The following UBE2T variants were observed in gnomAD, a reference collection of about 807,000 sequenced individuals.
UBE2T encodes ubiquitin conjugating enzyme E2 T, also known as ubiquitin-conjugating enzyme E2 T.
A neutral mutation model predicts 23.3 loss-of-function variants in UBE2T; 15 were observed. The observed-to-expected ratio is 0.64, with a 90% CI of 0.43 to 0.99. The LOEUF (loss-of-function observed/expected upper bound fraction) is 0.99. Ranked by LOEUF, UBE2T falls within the 50% of genes least tolerant of loss-of-function variation. UBE2T has a pLI of 0.00. For synonymous variants in UBE2T, 67 were observed against 78.4 expected, an observed-to-expected ratio of 0.85 and a Z score of 0.77; for missense variants, 197 against 234.9, an observed-to-expected ratio of 0.84 and a Z score of 1.05.
chr1:202,333,070 C>A lies in UBE2T; in HGVS notation c.408G>T (p.Lys136Asn). Residue 136 changes from lysine (K) to asparagine (N), a missense_variant, in exon 6 of 7, where the codon AAG becomes AAT. Lys to Asn is a moderately conservative substitution (Grantham distance 94). Transcript: ENST00000646651. ...GTCTGGCATTCTTGAGGAAGGCTGG[C>A]TTATTATATTTAAATTCTGAGGACT... is the stretch of plus-strand genomic sequence containing the variant. ...ADISSEFKYN[K>N]PAFLKNARQW... 6.2e-7 allele frequency: 1 copy of A among 1,613,654 alleles called. No homozygotes were observed. The highest frequency in any genetic ancestry group is 8.5e-7 in the Non-Finnish European group (1 of 1,179,892).
At chr1:202,333,577 G>A in intron 3 of UBE2T, 22 bp from the exon 4 acceptor site, 1 of 1,587,702 alleles carries the variant, frequency 6.3e-7, no homozygotes, top group Non-Finnish European at 8.6e-7. Context: ...TAAGACAACA[G>A]ATAATTTTCA....
In UBE2T at chr1:202,335,615, A is replaced by C; in HGVS notation, c.109+31T>G. ...CAGCACAATCTTCAATAGGGTCATG[A>C]CTTTCATCATATACATGATTTGATA... is the stretch of plus-strand genomic sequence containing the variant. On this transcript the variant is annotated intron_variant, in intron 2 of 6. Coordinates refer to ENST00000646651, the MANE Select transcript of UBE2T (RefSeq NM_014176.4). The surrounding 1 kb of genome is among the most constrained non-coding windows in gnomAD (Gnocchi z 4.0). The C allele has an allele frequency of 6.3e-7, 1 of 1,590,942 alleles. No homozygotes were observed. The highest frequency in any genetic ancestry group is 8.6e-7 in the Non-Finnish European group (1 of 1,159,828).
At chr1:202,336,729 A>G (rs1654894694) in intron 1 of UBE2T, among the ~76,000 whole-genome samples, 1 of 152,134 alleles carries the variant, frequency 6.6e-6, no homozygotes, top group Non-Finnish European at 1.5e-5. Flanking sequence ...CTCAGGTACA[A>G]ACAAATGTTA....
chr1:202,335,780 A>G lies in UBE2T; in HGVS notation c.-26T>C. 1.2e-6 allele frequency: 2 copies of G among 1,604,742 alleles called. No homozygotes were observed. The highest frequency in any genetic ancestry group is 1.7e-6 in the Non-Finnish European group (2 of 1,171,702). ...GATCCCCAAGTAGAAGGAACCACAC[A>G]CAGTTCACTGCTCCACACTAAGAGC... On this transcript the variant is annotated 5_prime_UTR_variant, in exon 2 of 7. Coordinates refer to ENST00000646651, the MANE Select transcript of UBE2T (RefSeq NM_014176.4). The surrounding 1 kb of genome is among the most constrained non-coding windows in gnomAD (Gnocchi z 4.0).
intron 1 of UBE2T, among the ~76,000 whole-genome samples, chr1:202,339,639 C>T (rs566475987): frequency 1.4e-5 from 2 of 146,594 alleles, no homozygotes; most frequent in Non-Finnish European, 3.0e-5. Flanking sequence ...CGTCCAAACA[C>T]GTACTATACA....
intron 1 of UBE2T, among the ~76,000 whole-genome samples, chr1:202,337,351 ATC>A (rs764957740): frequency 1.7e-4 from 26 of 152,224 alleles, no homozygotes; most frequent in East Asian, 9.6e-4. Context: ...CAATCTTAAA[ATC>A]TCTTTCTTTA....
chr1:202,337,109 C>T (rs1654902975), intron 1 of UBE2T, among the ~76,000 whole-genome samples: 1 of 151,986 alleles, frequency 6.6e-6, no homozygotes, highest in Admixed American at 6.6e-5. Flanking sequence ...CGCCCGGCTA[C>T]TTTTTGTATT....
chr1:202,338,366 T>G (rs1254296531), intron 1 of UBE2T, among the ~76,000 whole-genome samples: 1 of 152,088 alleles, frequency 6.6e-6, no homozygotes, highest in Non-Finnish European at 1.5e-5. Flanking sequence ...GTTACAGGCA[T>G]GCACCATTAG....
intron 1 of UBE2T, among the ~76,000 whole-genome samples, chr1:202,336,209 GC>G (rs1159142503): frequency 1.5e-4 from 15 of 102,860 alleles, no homozygotes; most frequent in Non-Finnish European, 1.7e-4. Context: ...AATGCACCCA[GC>G]TTTTTTTTTT....
chr1:202,340,520 A>G (rs925454903), intron 1 of UBE2T, among the ~76,000 whole-genome samples: 4 of 152,062 alleles, frequency 2.6e-5, no homozygotes, highest in African/African-American at 9.7e-5. Flanking sequence ...TCTTAAAAAA[A>G]AAAAAAAGAA....
At position 202,335,816 on chromosome 1, in the gene UBE2T, G is replaced by T; in HGVS notation, c.-62C>A. The T allele has an allele frequency of 6.8e-7, 1 of 1,464,416 alleles. No individual in the cohort carries two copies. The highest frequency in any genetic ancestry group is 9.5e-7 in the Non-Finnish European group (1 of 1,050,062). 90.7% of individuals were successfully genotyped at this position (1,464,416 alleles called of 1,614,324 possible). On this transcript the variant is annotated splice_region_variant and 5_prime_UTR_variant, in exon 2 of 7. Transcript: ENST00000646651. This position sits in a 1 kb window ranked among gnomAD's most constrained non-coding sequence, Gnocchi z 4.0. ...CTCCACACTAAGAGCTGCCTGGGATGCACTGGAGGAGAAAAGAGGTGACCA... is the reference window on the plus strand; with the variant it reads ...CTCCACACTAAGAGCTGCCTGGGATTCACTGGAGGAGAAAAGAGGTGACCA...
chr1:202,335,708 G>C lies in UBE2T; in HGVS notation c.47C>G (p.Thr16Arg), dbSNP rs747527620. The change falls in exon 2 of 7, where the codon ACA (threonine) becomes AGA (arginine). Residue 16 changes from threonine to arginine, a missense_variant. Physicochemically the swap from Thr to Arg is moderately conservative, Grantham distance 71 (BLOSUM62 -1). Transcript: ENST00000646651. The surrounding 1 kb of genome is among the most constrained non-coding windows in gnomAD (Gnocchi z 4.0). ...RLKRELHMLA[T>R]EPPPGITCWQ... is the part of the protein sequence containing the mutation. ...ACATGTGATGCCTGGGGGTGGCTCTGTGGCTAACATGTGCAGCTCTCTCTT... is the reference window on the plus strand; with the variant it reads ...ACATGTGATGCCTGGGGGTGGCTCTCTGGCTAACATGTGCAGCTCTCTCTT... 5.0e-6 allele frequency: 8 copies of C among 1,614,094 alleles called. No homozygotes were observed. Among genetic ancestry groups the C allele is most frequent in the Non-Finnish European group, 5.9e-6 (7 of 1,180,030 alleles).
At position 202,333,064 on chromosome 1, in the gene UBE2T, G is replaced by A; in HGVS notation, c.414C>T (p.Ala138=). The part of the protein sequence containing the change: ...ISSEFKYNKP[A]FLKNARQWTE... ...TCCACTGTCTGGCATTCTTGAGGAA[G>A]GCTGGCTTATTATATTTAAATTCTG... The change falls in exon 6 of 7, where the codon GCC becomes GCT. Residue 138 remains alanine, a synonymous_variant. Coordinates refer to ENST00000646651, the MANE Select transcript of UBE2T (RefSeq NM_014176.4). 4 of 1,613,754 alleles carry A rather than the reference G, an allele frequency of 2.5e-6. No homozygotes were observed. Among genetic ancestry groups the A allele is most frequent in the Non-Finnish European group, 3.4e-6 (4 of 1,179,922 alleles).
Position 202,333,002 on chromosome 1 carries a change from CATT to C in UBE2T, c.468+5_468+7del. 6.7e-7 allele frequency: 1 copy of C among 1,503,188 alleles called. No individual in the cohort carries two copies. The allele number at this position is 1,503,188 out of a possible 1,614,324, so 93.1% of individuals were successfully genotyped here. ...TTAATTAACTGACAATAGTAGCAAA[CATT>C]ATACCTTTTGTTTCTGTCTTGCATG... On this transcript the variant is annotated splice_donor_5th_base_variant and intron_variant, in intron 6 of 6. Coordinates refer to ENST00000646651, the MANE Select transcript of UBE2T (RefSeq NM_014176.4).
intron 3 of UBE2T, among the ~76,000 whole-genome samples, 190 bp from the exon 4 acceptor site, chr1:202,333,745 TA>T (rs1654819616): frequency 6.6e-6 from 1 of 152,184 alleles, no homozygotes; most frequent in African/African-American, 2.4e-5. Context: ...GAAATAACAG[TA>T]TTGAAAACAT....
rs189179500 is a variant in UBE2T at position 202,334,186 on chromosome 1, C to A, written c.180-631G>T. ...CCCTTCCCCGTTCTGTACAAAACTA[C>A]AACTGTAACTCACCTGATGAGAGCC... On this transcript the variant is annotated intron_variant, in intron 3 of 6. Transcript: ENST00000646651. 9.2e-5 allele frequency among the ~76,000 whole-genome samples: 14 copies of A among 152,292 alleles called. No homozygotes were observed. In the East Asian group the frequency reaches 2.5e-3, roughly 27 times the overall value.
At chr1:202,337,978 T>C (rs910621220) in intron 1 of UBE2T, among the ~76,000 whole-genome samples, 8 of 152,192 alleles carry the variant, frequency 5.3e-5, no homozygotes, top group Non-Finnish European at 8.8e-5. Context: ...GTTTGGATTG[T>C]AATTTTATTG....
Position 202,335,779 on chromosome 1 carries a change from C to T in UBE2T, c.-25G>A. The T allele has an allele frequency of 3.1e-6, 5 of 1,606,150 alleles. No homozygotes were observed. Among genetic ancestry groups the T allele is most frequent in the Non-Finnish European group, 4.3e-6 (5 of 1,172,990 alleles). ...TGATCCCCAAGTAGAAGGAACCACA[C>T]ACAGTTCACTGCTCCACACTAAGAG... On this transcript the variant is annotated 5_prime_UTR_variant, in exon 2 of 7. It adds an upstream start codon to the 5' untranslated region. Transcript: ENST00000646651. This position sits in a 1 kb window ranked among gnomAD's most constrained non-coding sequence, Gnocchi z 4.0.
intron 1 of UBE2T, among the ~76,000 whole-genome samples, chr1:202,337,494 A>G (rs767811269): frequency 2.1e-4 from 32 of 152,206 alleles, no homozygotes; most frequent in African/African-American, 3.4e-4. Flanking sequence ...AATTTTATGT[A>G]TAGTGAGTGA....
Sources: allele counts gnomAD v4.1 joint callset (sites outside exome capture counted in the v4.1 genomes callset), GRCh38; gene constraint gnomAD v4.1.1; non-coding constraint Gnocchi (gnomAD v3.1); transcripts MANE v1.5; gene names NCBI Gene and HGNC (gene_info 2026-07-23, HGNC 2026-07-21).